Variants in ALDH7A1 observed in about 807,000 individuals in gnomAD.
ALDH7A1 encodes the protein alpha-aminoadipic semialdehyde dehydrogenase.
In ALDH7A1, 63 loss-of-function variants were observed where a neutral mutation model predicts 79.9. That is an observed-to-expected ratio of 0.79 (90% CI 0.64 to 0.97). ALDH7A1 has a LOEUF of 0.97. ALDH7A1 is among the 50% of genes least tolerant of loss of function. The pLI is 0.00. For missense variants in ALDH7A1, 627 were observed against 665.2 expected (o/e 0.94, Z 0.63); for synonymous variants, 240 against 231.2 (o/e 1.04, Z -0.34).
chr5:126,579,212 T>C (rs1262056992), intron 5 of ALDH7A1, among the ~76,000 whole-genome samples: 1 of 152,230 alleles, frequency 6.6e-6, no homozygotes, highest in Admixed American at 6.5e-5. Flanking sequence ...GCTGAAGCAA[T>C]GCAATCCTCC....
At chr5:126,586,198 A>C (rs1409450742) in intron 3 of ALDH7A1, 2 of 152,224 alleles carry the variant, frequency 1.3e-5, no homozygotes, top group Non-Finnish European at 2.9e-5. Flanking sequence ...ATATGTTTGC[A>C]ATGTCTGTCA....
intron 16 of ALDH7A1, 54 bp from the exon 17 acceptor site, chr5:126,546,453 A>C (rs1749790384): frequency 3.3e-6 from 5 of 1,523,334 alleles, no homozygotes; most frequent in Non-Finnish European, 3.6e-6. Flanking sequence ...ATGTGGGCTC[A>C]TAGTTGGTAT....
intron 5 of ALDH7A1, among the ~76,000 whole-genome samples, chr5:126,578,652 A>AAAAAG (rs1561664905): frequency 6.6e-6 from 1 of 150,484 alleles, no homozygotes; most frequent in African/African-American, 2.4e-5. Flanking sequence ...AAAAAAAAAA[A>AAAAAG]AAAGAAAGAA....
chr5:126,547,547 C>T (rs958133065), intron 16 of ALDH7A1, among the ~76,000 whole-genome samples: 1 of 152,130 alleles, frequency 6.6e-6, no homozygotes, highest in Non-Finnish European at 1.5e-5. Flanking sequence ...TGCAAGGGTA[C>T]TGGGTGCATC....
intron 8 of ALDH7A1, 122 bp from the exon 9 acceptor site, chr5:126,568,478 G>A (rs1256388267): frequency 3.5e-6 from 3 of 864,920 alleles, no homozygotes; most frequent in Non-Finnish European, 5.8e-6. Context: ...AAGAAAGTCT[G>A]TCCCAGGGGA....
intron 3 of ALDH7A1, among the ~76,000 whole-genome samples, chr5:126,590,484 G>A (rs1001241179): frequency 3.9e-5 from 6 of 152,000 alleles, no homozygotes; most frequent in Admixed American, 6.6e-5. Flanking sequence ...ACTTGAACCC[G>A]AAAGGCAGAG....
chr5:126,545,754 T>G (rs971638386), intron 17 of ALDH7A1, among the ~76,000 whole-genome samples: 3 of 150,490 alleles, frequency 2.0e-5, no homozygotes, highest in Non-Finnish European at 4.4e-5. Context: ...ATCAGGCCAC[T>G]GCACTCCAGC....
At chr5:126,578,911 C>A (rs1425205672) in intron 5 of ALDH7A1, among the ~76,000 whole-genome samples, 1 of 152,058 alleles carries the variant, frequency 6.6e-6, no homozygotes, top group Non-Finnish European at 1.5e-5. Flanking sequence ...CCATACCAGA[C>A]ACAGCACCTC....
At chr5:126,586,905 G>A (rs1751373598) in intron 3 of ALDH7A1, 1 of 152,140 alleles carries the variant, frequency 6.6e-6, no homozygotes, top group Non-Finnish European at 1.5e-5. Context: ...GGCCAACATG[G>A]TGAGACCCTG....
chr5:126,562,266 G>C (rs1421134711), intron 9 of ALDH7A1: 2 of 150,350 alleles, frequency 1.3e-5, no homozygotes, highest in African/African-American at 4.9e-5. Flanking sequence ...GTACTAGCAT[G>C]ATCATGGCTT....
chr5:126,553,605 G>C (rs989114651), intron 13 of ALDH7A1, among the ~76,000 whole-genome samples: 1 of 152,090 alleles, frequency 6.6e-6, no homozygotes, highest in Admixed American at 6.6e-5. Flanking sequence ...CCAGCTACTC[G>C]GGAGGCTGAG....
chr5:126,557,579 C>G (rs1289372449), intron 11 of ALDH7A1, among the ~76,000 whole-genome samples: 1 of 148,972 alleles, frequency 6.7e-6, no homozygotes, highest in Non-Finnish European at 1.5e-5. Context: ...GAGAGAGACT[C>G]CATCTCAAAA....
rs184630563 is a variant in ALDH7A1, at chr5:126,542,698, G to C, written c.*2267C>G. 262 of 152,406 alleles carry C rather than the reference G, an allele frequency of 1.7e-3. 2 individuals are homozygous for C. The highest frequency in any genetic ancestry group is 5.4e-3 in the African/African-American group (224 of 41,558). 9.4% of individuals were successfully genotyped at this position (152,406 alleles called of 1,614,324 possible). ...TTCTGTGGTTGCAGAGCAAGAGAGA[G>C]AGGAGGCTTAACAGATTCCCACCCT... On this transcript the variant is annotated 3_prime_UTR_variant, in exon 18 of 18. Transcript: ENST00000409134.
At position 126,578,214 on chromosome 5, in the gene ALDH7A1, G is replaced by A. The variant is rs181630783; in HGVS notation, c.518-1003C>T. Among the ~76,000 whole-genome samples, 1,044 of 152,098 alleles carry A rather than the reference G, an allele frequency of 6.9e-3. 11 individuals are homozygous for A. The highest frequency in any genetic ancestry group is 0.019 in the African/African-American group (791 of 41,504). Reference sequence around the variant, plus strand: ...TGAGGCAGGAGAATCACTTGACCCCGGGAGGCAGAGGTTGCAGTGAGCCGA... The same window carrying A: ...TGAGGCAGGAGAATCACTTGACCCCAGGAGGCAGAGGTTGCAGTGAGCCGA... On this transcript the variant is annotated intron_variant, in intron 5 of 17. Transcript: ENST00000409134.
chr5:126,560,760 G>C (rs1750375468), intron 10 of ALDH7A1, among the ~76,000 whole-genome samples: 2 of 152,080 alleles, frequency 1.3e-5, no homozygotes, highest in South Asian at 4.2e-4. Flanking sequence ...AGTTATTCTA[G>C]AGAAATGTGG....
At position 126,571,977 on chromosome 5, in the gene ALDH7A1, G is replaced by GT. The variant is rs556119606; in HGVS notation, c.696-1119dup. 1.7e-3 allele frequency among the ~76,000 whole-genome samples: 260 copies of GT among 152,254 alleles called. 1 individual carries two copies. Among genetic ancestry groups the GT allele is most frequent in the African/African-American group, 5.9e-3 (246 of 41,558 alleles). On this transcript the variant is annotated intron_variant, in intron 7 of 17. Coordinates refer to ENST00000409134, the MANE Select transcript of ALDH7A1 (RefSeq NM_001182.5). Reference sequence around the variant, plus strand: ...GGCTAAAGAATTGCAGACAAGCAGAGTTTTTTCTCTTGTTAGAATGAGAAA... The same window carrying GT: ...GGCTAAAGAATTGCAGACAAGCAGAGTTTTTTTCTCTTGTTAGAATGAGAAA...
At chr5:126,579,712 C>T (rs1751106414) in intron 5 of ALDH7A1, among the ~76,000 whole-genome samples, 1 of 151,924 alleles carries the variant, frequency 6.6e-6, no homozygotes, top group African/African-American at 2.4e-5. Context: ...AATCCCAACA[C>T]TTTGAGTGGC....
intron 5 of ALDH7A1, among the ~76,000 whole-genome samples, chr5:126,578,691 G>A (rs1430226349): frequency 2.0e-5 from 3 of 149,930 alleles, no homozygotes; most frequent in Non-Finnish European, 4.4e-5. Flanking sequence ...CAAAAATATT[G>A]TATTTTAAAT....
At chr5:126,577,750 GAGA>G (rs1360315942) in intron 5 of ALDH7A1, among the ~76,000 whole-genome samples, 1 of 151,866 alleles carries the variant, frequency 6.6e-6, no homozygotes, top group Non-Finnish European at 1.5e-5. Context: ...ATTTTTAGTA[GAGA>G]AGGAGTTTCA....
Sources: allele counts gnomAD v4.1 joint callset (sites outside exome capture counted in the v4.1 genomes callset), GRCh38; gene constraint gnomAD v4.1.1; transcripts MANE v1.5; gene names NCBI Gene and HGNC (gene_info 2026-07-23, HGNC 2026-07-21).